ITK: variants seen among roughly 807,000 people sequenced by gnomAD.
The protein encoded by ITK is IL2 inducible T cell kinase.
A neutral mutation model predicts 87.6 loss-of-function variants in ITK; 45 were observed. That is an observed-to-expected ratio of 0.51 (90% CI 0.40 to 0.66). The LOEUF is 0.66. Among genes scored for constraint, ITK ranks in the 30% least tolerant of loss-of-function variants. ITK has a pLI of 0.00. For synonymous variants in ITK, 303 were observed against 273.6 expected, an observed-to-expected ratio of 1.11 and a Z score of -1.06; for missense variants, 605 against 766.3, an observed-to-expected ratio of 0.79 and a Z score of 2.48.
At chr5:157,216,330 C>T (rs1561655110) in intron 4 of ITK, among the ~76,000 whole-genome samples, 2 of 152,146 alleles carry the variant, frequency 1.3e-5, no homozygotes, top group South Asian at 4.1e-4. Flanking sequence ...AGAGCATTTT[C>T]TCACCTGCAA....
At chr5:157,212,603 T>C (rs1479928518) in intron 3 of ITK, among the ~76,000 whole-genome samples, 1 of 152,194 alleles carries the variant, frequency 6.6e-6, no homozygotes, top group Non-Finnish European at 1.5e-5. Context: ...GGAGGATCAC[T>C]TGAGCTCAGG....
chr5:157,247,293 A>C (rs1755039246), intron 15 of ITK, among the ~76,000 whole-genome samples: 2 of 152,228 alleles, frequency 1.3e-5, no homozygotes, highest in Non-Finnish European at 2.9e-5. Context: ...CCTTGCAGCT[A>C]CTTTGTTAAC....
intron 1 of ITK, among the ~76,000 whole-genome samples, chr5:157,197,345 T>C (rs1171393827): frequency 6.6e-6 from 1 of 152,220 alleles, no homozygotes; most frequent in Non-Finnish European, 1.5e-5. Context: ...CAGCATTTGA[T>C]GCATACCCCT....
chr5:157,244,527 T>C, intron 13 of ITK, 49 bp downstream of exon 13: 1 of 1,029,744 alleles, frequency 9.7e-7, no homozygotes, highest in Non-Finnish European at 1.5e-6. Context: ...AAAGGGACAG[T>C]TCTCACTGAA....
chr5:157,250,230 AT>A (rs1272404975), intron 16 of ITK, among the ~76,000 whole-genome samples: 1 of 152,108 alleles, frequency 6.6e-6, no homozygotes, highest in Non-Finnish European at 1.5e-5. Context: ...CCCTCTCCTC[AT>A]CCCCAAACCA....
chr5:157,220,117 G>A (rs1277150028), intron 5 of ITK, among the ~76,000 whole-genome samples: 1 of 152,162 alleles, frequency 6.6e-6, no homozygotes, highest in Non-Finnish European at 1.5e-5. Context: ...CAGAGAAACT[G>A]TTTTTAATCC....
chr5:157,186,355 G>T (rs1360247340), intron 1 of ITK, among the ~76,000 whole-genome samples: 2 of 147,342 alleles, frequency 1.4e-5, no homozygotes, highest in Non-Finnish European at 3.0e-5. Context: ...AAGAAGCCCC[G>T]CTATGTGTCT....
intron 3 of ITK, chr5:157,213,545 C>T: frequency 2.3e-6 from 1 of 426,592 alleles, no homozygotes; most frequent in Non-Finnish European, 4.7e-6. Context: ...GCCCAGCTAA[C>T]TTTTTTCTTT....
At chr5:157,227,500 C>T (rs1158765321) in intron 6 of ITK, among the ~76,000 whole-genome samples, 1 of 152,100 alleles carries the variant, frequency 6.6e-6, no homozygotes, top group Non-Finnish European at 1.5e-5. Flanking sequence ...AATTAAAAAG[C>T]TTACAATGCC....
At chr5:157,245,628 C>T (rs1755005459) in intron 13 of ITK, 98 bp from the exon 14 acceptor site, 2 of 923,520 alleles carry the variant, frequency 2.2e-6, no homozygotes, top group Non-Finnish European at 3.6e-6. Context: ...GACAGCACTG[C>T]AGTAAAGCAA....
intron 5 of ITK, among the ~76,000 whole-genome samples, chr5:157,218,640 G>A (rs865890113): frequency 4.6e-5 from 7 of 151,868 alleles, no homozygotes; most frequent in East Asian, 1.9e-4. Flanking sequence ...CTTACTATCC[G>A]TTCTATCCAC....
In ITK at chr5:157,214,329, T is replaced by C; in HGVS notation, c.454+10T>C. ...GATCCAACCAAGAATGGTAAGAGAC[T>C]GGGAATTCCCTCTAGTTTTTGTGAA... On this transcript the variant is annotated intron_variant, in intron 4 of 16. Transcript: ENST00000422843. 6.2e-7 allele frequency: 1 copy of C among 1,611,516 alleles called. No individual in the cohort carries two copies. The highest frequency in any genetic ancestry group is 8.5e-7 in the Non-Finnish European group (1 of 1,177,594).
At chr5:157,252,562 C>A (rs183151868) in intron 16 of ITK, 45 bp from the exon 17 acceptor site, 4 of 1,424,384 alleles carry the variant, frequency 2.8e-6, no homozygotes, top group South Asian at 2.3e-5. Flanking sequence ...TTACCTATGA[C>A]GCATAAGTAC....
intron 1 of ITK, among the ~76,000 whole-genome samples, chr5:157,196,305 A>G (rs1195530892): frequency 1.3e-5 from 2 of 152,204 alleles, no homozygotes; most frequent in Non-Finnish European, 1.5e-5. Flanking sequence ...TGTGAGAAGC[A>G]TGTTTTCTCA....
chr5:157,203,161 T>C (rs566513486), intron 1 of ITK, among the ~76,000 whole-genome samples: 1 of 152,206 alleles, frequency 6.6e-6, no homozygotes, highest in Non-Finnish European at 1.5e-5. Flanking sequence ...CTATTCTCTT[T>C]CCAGCACTTC....
intron 7 of ITK, among the ~76,000 whole-genome samples, chr5:157,231,931 G>A (rs28638168): frequency 0.14 from 21,610 of 152,074 alleles, 1,770 homozygotes; most frequent in African/African-American, 0.22. Flanking sequence ...TCCTTATAAC[G>A]AACTGTCTAC....
intron 6 of ITK, among the ~76,000 whole-genome samples, chr5:157,227,720 T>A (rs1289627761): frequency 6.6e-6 from 1 of 152,076 alleles, no homozygotes; most frequent in African/African-American, 2.4e-5. Context: ...AAACAGAGCT[T>A]TTTAAGTAAA....
intron 11 of ITK, among the ~76,000 whole-genome samples, chr5:157,243,339 G>A (rs954121537): frequency 4.6e-5 from 7 of 152,144 alleles, no homozygotes; most frequent in African/African-American, 1.2e-4. Context: ...ATAGAAAAAT[G>A]GGACATTGCA....
chr5:157,197,918 A>G (rs1561648973), intron 1 of ITK, among the ~76,000 whole-genome samples: 1 of 152,176 alleles, frequency 6.6e-6, no homozygotes, highest in Non-Finnish European at 1.5e-5. Context: ...CATAGAATAA[A>G]TCAGATCAGG....
Sources: allele counts gnomAD v4.1 joint callset (sites outside exome capture counted in the v4.1 genomes callset), GRCh38; gene constraint gnomAD v4.1.1; transcripts MANE v1.5; gene names NCBI Gene and HGNC (gene_info 2026-07-23, HGNC 2026-07-21).